Variants in CNTN5 observed in about 807,000 individuals in gnomAD.
The protein encoded by CNTN5 is contactin 5.
Under a neutral mutation model 129.1 loss-of-function variants are expected in CNTN5, and 77 were observed. The observed-to-expected ratio is 0.60, with a 90% CI of 0.50 to 0.72. CNTN5 has a LOEUF of 0.72. Among genes scored for constraint, CNTN5 ranks in the 30% least tolerant of loss-of-function variants. The pLI is 0.00. For missense variants in CNTN5, 1,478 were observed against 1,328.8 expected (o/e 1.11, Z -1.75); for synonymous variants, 509 against 465.6 (o/e 1.09, Z -1.20).
At chr11:100,020,720 T>G (rs1372189048) in intron 9 of CNTN5, among the ~76,000 whole-genome samples, 1 of 152,048 alleles carries the variant, frequency 6.6e-6, no homozygotes, top group East Asian at 1.9e-4. Context: ...ATAAACAAAT[T>G]CAGTAAATCG....
At chr11:99,773,703 G>A (rs912255419) in intron 3 of CNTN5, among the ~76,000 whole-genome samples, 61 of 151,808 alleles carry the variant, frequency 4.0e-4, no homozygotes, top group African/African-American at 1.5e-3. Context: ...CAATATTAAT[G>A]CCAATTAAAT....
intron 18 of CNTN5, among the ~76,000 whole-genome samples, chr11:100,295,142 G>A (rs1228762109): frequency 6.6e-6 from 1 of 151,510 alleles, no homozygotes; most frequent in African/African-American, 2.4e-5. Context: ...TGCCTCTCTT[G>A]TCAGTTATTG....
chr11:99,034,285 C>A (rs989535397), intron 1 of CNTN5, among the ~76,000 whole-genome samples: 5 of 152,166 alleles, frequency 3.3e-5, no homozygotes, highest in African/African-American at 7.2e-5. Flanking sequence ...TGGCCTCATA[C>A]AATGAGTTAG....
At chr11:99,844,762 T>G in intron 4 of CNTN5, 90 bp from the exon 5 acceptor site, 1 of 1,293,618 alleles carries the variant, frequency 7.7e-7, no homozygotes, top group Non-Finnish European at 1.1e-6. Context: ...AGAGCAAGAA[T>G]TTTGAATATA....
rs560702450 is a variant in CNTN5, at chr11:99,303,650, C to T, written c.-209-21696C>T. The stretch of plus-strand genomic sequence containing the variant: ...CTTTCTTTAGCTGAAAACACCAGTG[C>T]TGTGTTCCCTCCAGTGATCTGTATT... On this transcript the variant is annotated intron_variant, in intron 1 of 24. Transcript: ENST00000524871. Among the ~76,000 whole-genome samples, 3 of 152,014 alleles carry T rather than the reference C, an allele frequency of 2.0e-5. No homozygotes were observed. The East Asian group carries it at 5.8e-4, about 29-fold the overall frequency.
chr11:100,291,152 T>C (rs1362455529), intron 18 of CNTN5, among the ~76,000 whole-genome samples: 1 of 150,220 alleles, frequency 6.7e-6, no homozygotes, highest in African/African-American at 2.4e-5. Context: ...ACTTTTACAC[T>C]GTTGGTGGGA....
intron 3 of CNTN5, among the ~76,000 whole-genome samples, chr11:99,793,272 G>A (rs1945818317): frequency 2.0e-5 from 3 of 152,254 alleles, no homozygotes; most frequent in African/African-American, 2.4e-5. Flanking sequence ...TGTTAGCCAG[G>A]ATGGTCTCCA....
At chr11:99,657,636 T>TA in intron 3 of CNTN5, among the ~76,000 whole-genome samples, 1 of 152,152 alleles carries the variant, frequency 6.6e-6, no homozygotes, top group East Asian at 1.9e-4. Flanking sequence ...CTGAGTCTTT[T>TA]AAAAAGAGAC....
intron 6 of CNTN5, among the ~76,000 whole-genome samples, chr11:99,851,960 A>G (rs1036723009): frequency 7.2e-5 from 11 of 152,202 alleles, no homozygotes; most frequent in Admixed American, 6.5e-4. Context: ...GATTTGAATA[A>G]TCCCAAACTC....
At chr11:99,243,740 T>A (rs994703379) in intron 1 of CNTN5, among the ~76,000 whole-genome samples, 35 of 143,086 alleles carry the variant, frequency 2.4e-4, no homozygotes, top group African/African-American at 3.7e-4. Context: ...TTGCTTATTT[T>A]TTTTTTTTTT....
intron 9 of CNTN5, among the ~76,000 whole-genome samples, chr11:100,014,259 C>G (rs544368316): frequency 3.9e-5 from 6 of 152,246 alleles, no homozygotes; most frequent in African/African-American, 1.4e-4. Flanking sequence ...TGCATAACAG[C>G]AGTATCTCTA....
chr11:99,803,369 C>A (rs1378002132), intron 3 of CNTN5, among the ~76,000 whole-genome samples: 1 of 152,176 alleles, frequency 6.6e-6, no homozygotes, highest in African/African-American at 2.4e-5. Context: ...TGATGAGGGA[C>A]AGCATAATTC....
chr11:99,848,785 A>G (rs531318540), intron 6 of CNTN5, among the ~76,000 whole-genome samples: 3 of 152,304 alleles, frequency 2.0e-5, no homozygotes, highest in African/African-American at 7.2e-5. Flanking sequence ...GGCTAGTGCT[A>G]TCAGGATCTT....
intron 1 of CNTN5, among the ~76,000 whole-genome samples, chr11:99,190,143 GA>G (rs2135589365): frequency 6.6e-6 from 1 of 151,662 alleles, no homozygotes; most frequent in South Asian, 2.1e-4. Flanking sequence ...ATCATTTATT[GA>G]AGAGACTGTC....
intron 4 of CNTN5, among the ~76,000 whole-genome samples, chr11:99,844,277 T>A (rs1449156303): frequency 1.3e-5 from 2 of 152,210 alleles, no homozygotes; most frequent in Non-Finnish European, 2.9e-5. Context: ...AAGTTGTCTT[T>A]TTTTGAAAGC....
intron 1 of CNTN5, among the ~76,000 whole-genome samples, chr11:99,289,715 A>G (rs556802816): frequency 1.6e-4 from 25 of 151,910 alleles, no homozygotes; most frequent in Non-Finnish European, 3.2e-4. Flanking sequence ...TCAAATGTTC[A>G]AGGACATTTC....
At chr11:100,041,599 AG>A (rs1565818571) in intron 9 of CNTN5, among the ~76,000 whole-genome samples, 1 of 152,208 alleles carries the variant, frequency 6.6e-6, no homozygotes, top group African/African-American at 2.4e-5. Flanking sequence ...CTGGTTTGGA[AG>A]ATAAGAAACA....
intron 8 of CNTN5, among the ~76,000 whole-genome samples, chr11:99,966,533 C>G (rs549668965): frequency 6.6e-6 from 1 of 152,186 alleles, no homozygotes. Context: ...TCTCCCATTC[C>G]CAGAGTGTAA....
intron 2 of CNTN5, among the ~76,000 whole-genome samples, chr11:99,506,579 A>T (rs368361735): frequency 2.7e-4 from 38 of 139,568 alleles, no homozygotes; most frequent in African/African-American, 9.9e-4. Context: ...CTTAAAAAAA[A>T]TTATAGTGTT....
Sources: gnomAD v4.1 joint callset for allele counts (sites outside exome capture counted in the v4.1 genomes callset) on GRCh38, gnomAD v4.1.1 for gene constraint, MANE v1.5 for transcripts, NCBI Gene and HGNC (gene_info 2026-07-23, HGNC 2026-07-21) for gene names.